The following MIA2 variants were observed in gnomAD, a reference collection of about 807,000 sequenced individuals.
The protein encoded by MIA2 is melanoma inhibitory activity protein 2.
MIA2 carries 127 observed loss-of-function variants against 167.8 expected under a neutral mutation model. The observed-to-expected ratio is 0.76, with a 90% confidence interval of 0.66 to 0.88. The LOEUF is 0.88. Ranked by LOEUF, MIA2 falls within the 40% of genes least tolerant of loss-of-function variation. The pLI, the probability that MIA2 is intolerant of heterozygous loss-of-function variation, is 0.00. For missense variants in MIA2, 1,690 were observed against 1,624.7 expected (o/e 1.04, Z -0.69); for synonymous variants, 552 against 541.9 (o/e 1.02, Z -0.26).
intron 10 of MIA2, 146 bp from the exon 11 acceptor site, chr14:39,293,125 A>G (rs1026442213): frequency 6.2e-5 from 40 of 644,982 alleles, no homozygotes; most frequent in Admixed American, 3.1e-4. Flanking sequence ...CACTGCTACA[A>G]TTGCTGTTAT....
intron 23 of MIA2, chr14:39,386,075 A>T: frequency 7.9e-7 from 1 of 1,271,248 alleles, no homozygotes; most frequent in Non-Finnish European, 1.1e-6. Context: ...ACTGTCTTTA[A>T]GAAACCCGCA....
At chr14:39,253,318 C>G in intron 6 of MIA2, 147 bp downstream of exon 6, 1 of 1,039,364 alleles carries the variant, frequency 9.6e-7, no homozygotes, top group Non-Finnish European at 1.4e-6. Context: ...TAAGATTTCT[C>G]TTTATATGAA....
chr14:39,299,035 G>T (rs1276438667), intron 13 of MIA2, among the ~76,000 whole-genome samples: 1 of 118,646 alleles, frequency 8.4e-6, no homozygotes, highest in African/African-American at 3.2e-5. Context: ...TTGTGGTCCA[G>T]CTTGGATGAC....
chr14:39,319,335 C>CAT lies in MIA2; in HGVS notation c.3367+57_3367+58dup, dbSNP rs372147405. On this transcript the variant is annotated intron_variant, in intron 23 of 28. Transcript: ENST00000640607. ...CCCCTCATTTAAAATACATATTTTA[C>CAT]ATATATATATATATTGCACATATAG... 6.8e-3 allele frequency: 5,587 copies of CAT among 824,466 alleles called. 79 individuals are homozygous for CAT. Among genetic ancestry groups the CAT allele is most frequent in the African/African-American group, 0.051 (2,869 of 55,838 alleles). The allele number at this position is 824,466 out of a possible 1,614,324, so 51.1% of individuals were successfully genotyped here.
chr14:39,310,530 A>C (rs1416724933), intron 18 of MIA2, among the ~76,000 whole-genome samples: 2 of 152,172 alleles, frequency 1.3e-5, no homozygotes, highest in African/African-American at 4.8e-5. Context: ...AAGGTTATAT[A>C]TTGATTGGTT....
intron 26 of MIA2, among the ~76,000 whole-genome samples, chr14:39,346,245 G>T (rs2073224527): frequency 6.6e-6 from 1 of 152,048 alleles, no homozygotes. Context: ...ATGGAAATAG[G>T]TTTACTCCAT....
At position 39,276,988 on chromosome 14, in the gene MIA2, C is replaced by G. The variant is rs61740767; in HGVS notation, c.1942C>G (p.Pro648Ala). 1 of 1,613,766 alleles carries G rather than the reference C, an allele frequency of 6.2e-7. No homozygotes were observed. Among genetic ancestry groups the G allele is most frequent in the South Asian group, 1.1e-5 (1 of 91,076 alleles). Reference sequence around the variant, plus strand: ...ACCAGATTCTAATCTTTATGGTTTTCCATGGGAATTGGTGATATGTGCAGC... The same window carrying G: ...ACCAGATTCTAATCTTTATGGTTTTGCATGGGAATTGGTGATATGTGCAGC... The part of the protein sequence containing the change: ...MRPDSNLYGF[P>A]WELVICAAVV... Residue 648 changes from proline to alanine, a missense_variant, in exon 7 of 29, where the codon CCA becomes GCA. Transcript: ENST00000640607.
intron 6 of MIA2, chr14:39,266,929 T>C (rs2055812979): frequency 4.7e-6 from 3 of 644,352 alleles, no homozygotes; most frequent in African/African-American, 2.0e-5. Flanking sequence ...CCTTGGGACA[T>C]AGCCCTGGTC....
At chr14:39,307,840 GAA>G (rs1193245688) in intron 17 of MIA2, among the ~76,000 whole-genome samples, 2 of 152,084 alleles carry the variant, frequency 1.3e-5, no homozygotes, top group African/African-American at 4.8e-5. Context: ...AGCCACACGA[GAA>G]AGAGAAATGG....
intron 13 of MIA2, among the ~76,000 whole-genome samples, chr14:39,299,110 TTCTAGTTATTTA>T (rs1439396094): frequency 6.7e-6 from 1 of 149,198 alleles, no homozygotes; most frequent in Non-Finnish European, 1.5e-5. Context: ...AATAATTCCT[TTCTAGTTATTTA>T]TCTTTAAATG....
intron 3 of MIA2, among the ~76,000 whole-genome samples, chr14:39,240,859 T>A (rs1471305594): frequency 6.6e-6 from 1 of 152,204 alleles, no homozygotes; most frequent in East Asian, 1.9e-4. Context: ...TTCTGAACAA[T>A]TAACAGACAG....
chr14:39,266,842 G>T, intron 6 of MIA2: 1 of 777,526 alleles, frequency 1.3e-6, no homozygotes, highest in Non-Finnish European at 1.6e-6. Context: ...CCTGGGTCGG[G>T]GGGGTGGGGG....
intron 6 of MIA2, 153 bp downstream of exon 6, chr14:39,253,324 A>G: frequency 9.8e-7 from 1 of 1,018,248 alleles, no homozygotes; most frequent in Non-Finnish European, 1.5e-6. Context: ...TTCTCTTTAT[A>G]TGAATGTTTT....
chr14:39,358,988 A>G lies in MIA2; in HGVS notation c.2248+10011A>G, dbSNP rs528315634. Among the ~76,000 whole-genome samples the G allele has an allele frequency of 1.6e-3, 250 of 152,182 alleles. 2 individuals are homozygous for G. The highest frequency in any genetic ancestry group is 1.8e-3 in the Admixed American group (28 of 15,268). On this transcript the variant is annotated intron_variant, in intron 23 of 23. Coordinates refer to the MIA2 transcript ENST00000341502. ...CTGGGGGATGCCTCCCAGTTAGGCT[A>G]CTCGGGGGTCAGGGACCCACTTGAG...
At chr14:39,273,386 T>C (rs2152717486) in intron 6 of MIA2, among the ~76,000 whole-genome samples, 1 of 152,166 alleles carries the variant, frequency 6.6e-6, no homozygotes, top group Non-Finnish European at 1.5e-5. Context: ...AGGGCCTCAC[T>C]CTGTTGCCCA....
At chr14:39,319,695 TA>T (rs924317980) in intron 23 of MIA2, among the ~76,000 whole-genome samples, 12 of 152,076 alleles carry the variant, frequency 7.9e-5, no homozygotes, top group African/African-American at 1.2e-4. Context: ...GTTTAATAAT[TA>T]AAAAATAGTT....
At chr14:39,334,379 G>C (rs1007029235) in intron 25 of MIA2, among the ~76,000 whole-genome samples, 7 of 151,800 alleles carry the variant, frequency 4.6e-5, no homozygotes, top group African/African-American at 1.7e-4. Context: ...GGAGGCTGAG[G>C]CAGGAGAATT....
intron 6 of MIA2, among the ~76,000 whole-genome samples, chr14:39,259,588 T>TG (rs967521654): frequency 6.6e-6 from 1 of 151,790 alleles, no homozygotes; most frequent in Admixed American, 6.6e-5. Context: ...TGGAGTACAG[T>TG]GGCCCTATCA....
Position 39,276,933 on chromosome 14 carries a change from G to T in MIA2, c.1888-1G>T. 6.2e-7 allele frequency: 1 copy of T among 1,608,134 alleles called. No individual in the cohort carries two copies. The highest frequency in any genetic ancestry group is 8.5e-7 in the Non-Finnish European group (1 of 1,178,774). ...AGAACTTACTTTTCTTTATCTTGAA[G>T]GTTGTGGCAGCACTGCCTGAAGGTA... On this transcript the variant is annotated splice_acceptor_variant, in intron 6 of 28. Transcript: ENST00000640607. LOFTEE classifies it high-confidence loss of function.
Sources: allele counts gnomAD v4.1 joint callset (sites outside exome capture counted in the v4.1 genomes callset), GRCh38; gene constraint gnomAD v4.1.1; transcripts MANE v1.5; gene names NCBI Gene and HGNC (gene_info 2026-07-23, HGNC 2026-07-21).